The following NOD2 variants were observed in gnomAD, a reference collection of about 807,000 sequenced individuals.
NOD2 encodes the protein nucleotide binding oligomerization domain containing 2, also known as nucleotide-binding oligomerization domain-containing protein 2.
In NOD2, 86 loss-of-function variants were observed where a neutral mutation model predicts 90.9. That is an observed-to-expected ratio of 0.95 (90% CI 0.79 to 1.13). NOD2 has a LOEUF of 1.13. NOD2 is among the 50% of genes most tolerant of loss of function. The pLI, the probability that NOD2 is intolerant of heterozygous loss-of-function variation, is 0.00. For synonymous variants in NOD2, 581 were observed against 554.6 expected (o/e 1.05, Z -0.67); for missense variants, 1,238 against 1,283.8 (o/e 0.96, Z 0.55).
At chr16:50,709,027 G>A (rs13380741) in intron 3 of NOD2, among the ~76,000 whole-genome samples, 32,603 of 152,108 alleles carry the variant, frequency 0.21, 4,040 homozygotes, top group Non-Finnish European at 0.29. Flanking sequence ...CAATTGGTGT[G>A]TTTATTTCTC....
intron 9 of NOD2, among the ~76,000 whole-genome samples, chr16:50,724,809 AAAGGGTTT>A (rs1256720972): frequency 6.6e-6 from 1 of 152,202 alleles, no homozygotes; most frequent in Non-Finnish European, 1.5e-5. Flanking sequence ...TTAAACAAGG[AAAGGGTTT>A]ATTTTTTCCT....
chr16:50,723,648 C>T (rs1965166198), intron 9 of NOD2, among the ~76,000 whole-genome samples: 1 of 152,110 alleles, frequency 6.6e-6, no homozygotes, highest in African/African-American at 2.4e-5. Context: ...GTGTTAAGAG[C>T]ACAGACTCTG....
chr16:50,709,257 C>T (rs2150804431), intron 3 of NOD2, among the ~76,000 whole-genome samples: 1 of 152,144 alleles, frequency 6.6e-6, no homozygotes, highest in East Asian at 1.9e-4. Flanking sequence ...GACATAAACA[C>T]AGGGCGTCCC....
At chr16:50,720,847 C>A (rs929354584) in intron 7 of NOD2, among the ~76,000 whole-genome samples, 2 of 151,782 alleles carry the variant, frequency 1.3e-5, no homozygotes, top group Non-Finnish European at 2.9e-5. Context: ...CTCTGTTGCC[C>A]AGGCTAGAGT....
chr16:50,702,917 G>A (rs918506812), intron 2 of NOD2, among the ~76,000 whole-genome samples: 1 of 152,222 alleles, frequency 6.6e-6, no homozygotes, highest in Non-Finnish European at 1.5e-5. Context: ...GTTGGGCATA[G>A]CAGTTGTTAG....
At chr16:50,730,173 T>C (rs1965405815) in intron 11 of NOD2, among the ~76,000 whole-genome samples, 1 of 152,186 alleles carries the variant, frequency 6.6e-6, no homozygotes. Flanking sequence ...AATGGGGATG[T>C]GGTTGAAGAA....
intron 6 of NOD2, 187 bp from the exon 7 acceptor site, chr16:50,719,737 TG>T: frequency 1.4e-6 from 1 of 711,106 alleles, no homozygotes; most frequent in Non-Finnish European, 2.6e-6. Context: ...TTCCCTTTGC[TG>T]GGGGAAAATG....
chr16:50,697,293 G>C, intron 1 of NOD2: 1 of 1,559,770 alleles, frequency 6.4e-7, no homozygotes, highest in South Asian at 1.2e-5. Context: ...GAAAGAGCAA[G>C]TGTCCTCCTC....
intron 10 of NOD2, among the ~76,000 whole-genome samples, chr16:50,729,458 C>T (rs1211955381): frequency 6.6e-6 from 1 of 152,060 alleles, no homozygotes; most frequent in Admixed American, 6.6e-5. Context: ...CTCTTTTAGG[C>T]CCATTTTACC....
intron 7 of NOD2, among the ~76,000 whole-genome samples, chr16:50,720,888 T>A (rs1965023541): frequency 6.6e-6 from 1 of 152,034 alleles, no homozygotes. Flanking sequence ...CACTGCAACC[T>A]CCGCCTCCTT....
chr16:50,706,262 C>T (rs562297566), intron 2 of NOD2, among the ~76,000 whole-genome samples: 12 of 152,254 alleles, frequency 7.9e-5, no homozygotes, highest in Admixed American at 2.0e-4. Flanking sequence ...CTTGGGTCCA[C>T]GTGGTTCTAG....
intron 10 of NOD2, chr16:50,727,746 T>C: frequency 2.9e-6 from 1 of 348,670 alleles, no homozygotes. Context: ...ATTGGACCCT[T>C]TCTGTTGACG....
intron 4 of NOD2, 60 bp downstream of exon 4, chr16:50,712,433 G>A: frequency 6.2e-7 from 1 of 1,603,676 alleles, no homozygotes. Context: ...GCTAAGTGTG[G>A]GAGCACCGAG....
intron 2 of NOD2, among the ~76,000 whole-genome samples, chr16:50,700,570 C>T (rs1221953980): frequency 2.0e-5 from 3 of 152,230 alleles, no homozygotes; most frequent in Non-Finnish European, 4.4e-5. Context: ...GTTTCAGTTT[C>T]CTCATCTACA....
chr16:50,710,483 C>A, intron 3 of NOD2, 75 bp from the exon 4 acceptor site: 1 of 1,600,256 alleles, frequency 6.2e-7, no homozygotes, highest in African/African-American at 1.3e-5. Context: ...GCGTCCCCCG[C>A]AGCAGCCCAT....
At chr16:50,701,755 A>G (rs1963949153) in intron 2 of NOD2, among the ~76,000 whole-genome samples, 1 of 152,240 alleles carries the variant, frequency 6.6e-6, no homozygotes, top group Non-Finnish European at 1.5e-5. Flanking sequence ...TTGGTGAAGA[A>G]AAGAAATGGG....
At chr16:50,719,357 C>T (rs1429176534) in intron 6 of NOD2, among the ~76,000 whole-genome samples, 1 of 152,182 alleles carries the variant, frequency 6.6e-6, no homozygotes, top group Admixed American at 6.5e-5. Context: ...TTCTCCGAAG[C>T]TCTCCGAGGT....
intron 10 of NOD2, among the ~76,000 whole-genome samples, chr16:50,726,952 C>T (rs1965285879): frequency 6.6e-6 from 1 of 151,942 alleles, no homozygotes; most frequent in African/African-American, 2.4e-5. Context: ...ACCAGCCTGA[C>T]CAACATGGAG....
intron 2 of NOD2, among the ~76,000 whole-genome samples, chr16:50,702,500 A>G (rs1365535981): frequency 6.6e-6 from 1 of 152,174 alleles, no homozygotes; most frequent in African/African-American, 2.4e-5. Flanking sequence ...TTTCATTTGG[A>G]TGGTGCTTGT....
Sources: allele counts gnomAD v4.1 joint callset (sites outside exome capture counted in the v4.1 genomes callset), GRCh38; gene constraint gnomAD v4.1.1; transcripts MANE v1.5; gene names NCBI Gene and HGNC (gene_info 2026-07-23, HGNC 2026-07-21).